The following CCL11 variants were observed in gnomAD, a reference collection of about 807,000 sequenced individuals.
The protein encoded by CCL11 is C-C motif chemokine ligand 11.
A neutral mutation model predicts 7.3 loss-of-function variants in CCL11; 7 were observed. The ratio of observed to expected loss-of-function variants is 0.96; its 90% CI spans 0.55 to 1.81. CCL11 has a LOEUF of 1.81. Ranked by LOEUF, CCL11 falls within the 40% of genes most tolerant of loss-of-function variation. The pLI, the probability that CCL11 is intolerant of heterozygous loss-of-function variation, is 0.00. For missense variants in CCL11, 132 were observed against 114.2 expected (o/e 1.16, Z -0.71); for synonymous variants, 66 against 45.2 (o/e 1.46, Z -1.84).
At chr17:34,286,633 G>T (rs1395019767) in intron 1 of CCL11, among the ~76,000 whole-genome samples, 1 of 152,172 alleles carries the variant, frequency 6.6e-6, no homozygotes, top group East Asian at 1.9e-4. Flanking sequence ...CAGGAGTCTT[G>T]CATAGGCAAT....
intron 1 of CCL11, among the ~76,000 whole-genome samples, chr17:34,286,722 C>A (rs948964155): frequency 5.9e-5 from 9 of 152,232 alleles, no homozygotes; most frequent in Non-Finnish European, 1.2e-4. Flanking sequence ...TCCAACCAAA[C>A]AAAAGTGGCC....
rs955996869 is a variant in CCL11, at chr17:34,288,327, G to C, written c.*637G>C. 9 of 152,186 alleles carry C rather than the reference G, an allele frequency of 5.9e-5. No homozygotes were observed. The highest frequency in any genetic ancestry group is 2.2e-4 in the African/African-American group (9 of 41,418). The allele number at this position is 152,186 out of a possible 1,614,324, so 9.4% of individuals were successfully genotyped here. On this transcript the variant is annotated 3_prime_UTR_variant, in exon 3 of 3. Transcript: ENST00000305869. ...CAGCCCTCTATTCCCATTTTCAACA[G>C]TATTTCCCAGACCCCAAACTTCAGC...
In CCL11 at chr17:34,287,133, T is replaced by A. The variant is rs1159276428; in HGVS notation, c.114T>A (p.Asn38Lys). ...VPTTCCFNLA[N>K]RKIPLQRLES... is the part of the protein sequence containing the mutation. The stretch of plus-strand genomic sequence containing the variant: ...CCACCTGCTGCTTTAACCTGGCCAA[T>A]AGGAAGATACCCCTTCAGCGACTAG... Residue 38 changes from asparagine (N) to lysine (K), a missense_variant, in exon 2 of 3, where the codon AAT becomes AAA. Asn to Lys is a moderately conservative substitution (Grantham distance 94). Coordinates refer to ENST00000305869, the MANE Select transcript of CCL11 (RefSeq NM_002986.3). 6.2e-7 allele frequency: 1 copy of A among 1,612,920 alleles called. No individual in the cohort carries two copies. Among genetic ancestry groups the A allele is most frequent in the Non-Finnish European group, 8.5e-7 (1 of 1,179,204 alleles).
chr17:34,286,572 C>T (rs1908639038), intron 1 of CCL11, among the ~76,000 whole-genome samples: 1 of 152,218 alleles, frequency 6.6e-6, no homozygotes, highest in Admixed American at 6.5e-5. Flanking sequence ...GGAGAAGTTG[C>T]CCATGTGGGG....
rs1293508472 is a variant in CCL11, at chr17:34,287,715, C to G, written c.*25C>G. ...AATAATCACCATTTTTGAAACCAAA[C>G]CAGAGCCTGAGTGTTGCCTAATTTG... On this transcript the variant is annotated 3_prime_UTR_variant, in exon 3 of 3. Coordinates refer to ENST00000305869, the MANE Select transcript of CCL11 (RefSeq NM_002986.3). 3 of 1,498,706 alleles carry G rather than the reference C, an allele frequency of 2.0e-6. No homozygotes were observed. The highest frequency in any genetic ancestry group is 1.7e-5 in the Admixed American group (1 of 59,348). 92.8% of individuals were successfully genotyped at this position (1,498,706 alleles called of 1,614,324 possible). A position where few individuals can be genotyped will look rare whatever the true frequency, so the allele number is the denominator to read the frequency against.
rs752337000 is a variant in CCL11, at chr17:34,285,762, AG to A, written c.-46del. ...GGAGCAGAGAGGCTGAGACCAACCC[AG>A]AAACCACCACCTCTCACGCCAAAGC... On this transcript the variant is annotated 5_prime_UTR_variant, in exon 1 of 3. Transcript: ENST00000305869. 6.7e-7 allele frequency: 1 copy of A among 1,499,752 alleles called. No homozygotes were observed. The highest frequency in any genetic ancestry group is 9.2e-7 in the Non-Finnish European group (1 of 1,087,002). The allele number at this position is 1,499,752 out of a possible 1,614,324, so 92.9% of individuals were successfully genotyped here.
chr17:34,285,749 C>A lies in CCL11; in HGVS notation c.-60C>A. 7.5e-7 allele frequency: 1 copy of A among 1,341,564 alleles called. No individual in the cohort carries two copies. The allele number at this position is 1,341,564 out of a possible 1,614,324, so 83.1% of individuals were successfully genotyped here. A position where few individuals can be genotyped will look rare whatever the true frequency, so the allele number is the denominator to read the frequency against. On this transcript the variant is annotated 5_prime_UTR_variant, in exon 1 of 3. In the 5' UTR this introduces an upstream ATG that the reference lacks. Coordinates refer to ENST00000305869, the MANE Select transcript of CCL11 (RefSeq NM_002986.3). ...CAGATGGGCCAGAGGAGCAGAGAGGCTGAGACCAACCCAGAAACCACCACC... is the reference window on the plus strand; with the variant it reads ...CAGATGGGCCAGAGGAGCAGAGAGGATGAGACCAACCCAGAAACCACCACC...
At chr17:34,286,652 G>T (rs1273591870) in intron 1 of CCL11, among the ~76,000 whole-genome samples, 1 of 152,182 alleles carries the variant, frequency 6.6e-6, no homozygotes, top group Non-Finnish European at 1.5e-5. Context: ...ATGCACTGTG[G>T]CTCAAAAATG....
intron 1 of CCL11, 105 bp from the exon 2 acceptor site, chr17:34,286,991 C>T (rs951865473): frequency 1.3e-6 from 1 of 760,324 alleles, no homozygotes; most frequent in African/African-American, 1.7e-5. Context: ...TCTCGCAATT[C>T]CTTGCTTTCT....
chr17:34,285,790 C>G lies in CCL11; in HGVS notation c.-19C>G, dbSNP rs998374024. On this transcript the variant is annotated 5_prime_UTR_variant, in exon 1 of 3. Coordinates refer to ENST00000305869, the MANE Select transcript of CCL11 (RefSeq NM_002986.3). ...AACCACCACCTCTCACGCCAAAGCT[C>G]ACACCTTCAGCCTCCAACATGAAGG... 1 of 1,603,162 alleles carries G rather than the reference C, an allele frequency of 6.2e-7. No individual in the cohort carries two copies. The highest frequency in any genetic ancestry group is 2.2e-5 in the East Asian group (1 of 44,520).
At chr17:34,286,073 A>G (rs1338394932) in intron 1 of CCL11, among the ~76,000 whole-genome samples, 189 bp downstream of exon 1, 1 of 152,188 alleles carries the variant, frequency 6.6e-6, no homozygotes, top group Non-Finnish European at 1.5e-5. Context: ...AAAGCTCCCG[A>G]GTCTTTTCCC....
Position 34,285,760 on chromosome 17 carries a change from C to A in CCL11, c.-49C>A. On this transcript the variant is annotated 5_prime_UTR_variant, in exon 1 of 3. Transcript: ENST00000305869. ...GAGGAGCAGAGAGGCTGAGACCAAC[C>A]CAGAAACCACCACCTCTCACGCCAA... 6.8e-7 allele frequency: 1 copy of A among 1,480,566 alleles called. No homozygotes were observed. The highest frequency in any genetic ancestry group is 9.3e-7 in the Non-Finnish European group (1 of 1,070,466). The allele number at this position is 1,480,566 out of a possible 1,614,324, so 91.7% of individuals were successfully genotyped here.
At position 34,287,533 on chromosome 17, in the gene CCL11, G is replaced by A. The variant is rs183026342; in HGVS notation, c.189-52G>A. ...GGTCCTTAAATATTTAGGGTCAAAT[G>A]GGCAGAATTTTCAAAAACAATCCTT... On this transcript the variant is annotated intron_variant, in intron 2 of 2. Coordinates refer to ENST00000305869, the MANE Select transcript of CCL11 (RefSeq NM_002986.3). 2.5e-3 allele frequency: 3,198 copies of A among 1,300,162 alleles called. 9 individuals carry two copies. Among genetic ancestry groups the A allele is most frequent in the Non-Finnish European group, 3.1e-3 (2,747 of 894,430 alleles). The allele number at this position is 1,300,162 out of a possible 1,614,324, so 80.5% of individuals were successfully genotyped here.
At position 34,287,494 on chromosome 17, in the gene CCL11, G is replaced by A. The variant is rs372627424; in HGVS notation, c.189-91G>A. ...TTCCTCCTCTCCGTAGCAACCCTTT[G>A]TCCAGGGGCAGATGGTCCTTAAATA... On this transcript the variant is annotated intron_variant, in intron 2 of 2. Coordinates refer to ENST00000305869, the MANE Select transcript of CCL11 (RefSeq NM_002986.3). 33 of 906,426 alleles carry A rather than the reference G, an allele frequency of 3.6e-5. No homozygotes were observed. The East Asian group carries it at 5.2e-4, about 14-fold the overall frequency. The allele number at this position is 906,426 out of a possible 1,614,324, so 56.1% of individuals were successfully genotyped here.
At position 34,287,132 on chromosome 17, in the gene CCL11, A is replaced by G. The variant is rs766246869; in HGVS notation, c.113A>G (p.Asn38Ser). 4 of 1,613,968 alleles carry G rather than the reference A, an allele frequency of 2.5e-6. No individual in the cohort carries two copies. The highest frequency in any genetic ancestry group is 4.5e-5 in the East Asian group (2 of 44,868). ...VPTTCCFNLA[N>S]RKIPLQRLES... Reference sequence around the variant, plus strand: ...ACCACCTGCTGCTTTAACCTGGCCAATAGGAAGATACCCCTTCAGCGACTA... The same window carrying G: ...ACCACCTGCTGCTTTAACCTGGCCAGTAGGAAGATACCCCTTCAGCGACTA... The change falls in exon 2 of 3, where the codon AAT (asparagine) becomes AGT (serine). Residue 38 changes from asparagine (N) to serine (S), a missense_variant. By Grantham distance (46) the Asn-to-Ser change is conservative. Coordinates refer to ENST00000305869, the MANE Select transcript of CCL11 (RefSeq NM_002986.3).
At chr17:34,286,947 T>G (rs1908649555) in intron 1 of CCL11, 149 bp from the exon 2 acceptor site, 1 of 589,286 alleles carries the variant, frequency 1.7e-6, no homozygotes, top group Non-Finnish European at 3.1e-6. Flanking sequence ...TCCAGACACA[T>G]AAGACTTCAG....
Position 34,287,827 on chromosome 17 carries a change from T to TA in CCL11, c.*147dup, listed in dbSNP as rs35429363. ...TATTATATATATATATTTTTTTTTT[T>TA]AAAAAAAAAACGTATTGCATTTAAT... On this transcript the variant is annotated 3_prime_UTR_variant, in exon 3 of 3. Coordinates refer to ENST00000305869, the MANE Select transcript of CCL11 (RefSeq NM_002986.3). 1.7e-3 allele frequency: 490 copies of TA among 287,006 alleles called. 1 individual carries two copies. Among genetic ancestry groups the TA allele is most frequent in the Middle Eastern group, 4.8e-3 (5 of 1,042 alleles). 17.8% of individuals were successfully genotyped at this position (287,006 alleles called of 1,614,324 possible).
rs1019110 is a variant in CCL11 at position 34,287,827 on chromosome 17, T to A, written c.*137T>A. On this transcript the variant is annotated 3_prime_UTR_variant, in exon 3 of 3. Coordinates refer to ENST00000305869, the MANE Select transcript of CCL11 (RefSeq NM_002986.3). Reference sequence around the variant, plus strand: ...TATTATATATATATATTTTTTTTTTTAAAAAAAAAACGTATTGCATTTAAT... The same window carrying A: ...TATTATATATATATATTTTTTTTTTAAAAAAAAAAACGTATTGCATTTAAT... The A allele has an allele frequency of 0.16, 46,049 of 286,518 alleles. 3,990 individuals carry two copies. Among genetic ancestry groups the A allele is most frequent in the Non-Finnish European group, 0.2 (31,802 of 162,302 alleles). The allele number at this position is 286,518 out of a possible 1,614,324, so 17.7% of individuals were successfully genotyped here.
At position 34,287,099 on chromosome 17, in the gene CCL11, C is replaced by T. The variant is rs1343758978; in HGVS notation, c.80C>T (p.Ser27Phe). 1 of 1,612,134 alleles carries T rather than the reference C, an allele frequency of 6.2e-7. No homozygotes were observed. Among genetic ancestry groups the T allele is most frequent in the Non-Finnish European group, 8.5e-7 (1 of 1,178,300 alleles). The change falls in exon 2 of 3, where the codon TCT becomes TTT. Residue 27 changes from serine to phenylalanine, a missense_variant. Coordinates refer to ENST00000305869, the MANE Select transcript of CCL11 (RefSeq NM_002986.3). ...ATTTTTTTTCCCCAAAATTCAGCTT[C>T]TGTCCCAACCACCTGCTGCTTTAAC... is the stretch of plus-strand genomic sequence containing the variant. ...FSPQGLAGPA[S>F]VPTTCCFNLA... is the part of the protein sequence containing the mutation.
Sources: gnomAD v4.1 joint callset for allele counts (sites outside exome capture counted in the v4.1 genomes callset) on GRCh38, gnomAD v4.1.1 for gene constraint, MANE v1.5 for transcripts, NCBI Gene and HGNC (gene_info 2026-07-23, HGNC 2026-07-21) for gene names.